Variants in RAB3B observed in about 807,000 individuals in gnomAD.
The protein encoded by RAB3B is ras-related protein Rab-3B.
Under a neutral mutation model 20.5 loss-of-function variants are expected in RAB3B, and 11 were observed. The ratio of observed to expected loss-of-function variants is 0.54; its 90% CI spans 0.34 to 0.89. The LOEUF (loss-of-function observed/expected upper bound fraction) is 0.89. Ranked by LOEUF, RAB3B falls within the 40% of genes least tolerant of loss-of-function variation. The pLI is 0.02. For synonymous variants in RAB3B, 99 were observed against 106.3 expected (o/e 0.93, Z 0.42); for missense variants, 225 against 280.9 (o/e 0.80, Z 1.42).
chr1:51,942,821 A>G (rs1272662319), intron 2 of RAB3B, among the ~76,000 whole-genome samples: 2 of 152,036 alleles, frequency 1.3e-5, no homozygotes, highest in Non-Finnish European at 2.9e-5. Context: ...TGCTCACTTC[A>G]TGTCTCTGTG....
intron 2 of RAB3B, among the ~76,000 whole-genome samples, chr1:51,941,844 A>G (rs2256200): frequency 0.23 from 35,595 of 152,162 alleles, 4,676 homozygotes; most frequent in Non-Finnish European, 0.29. Context: ...TCTGGAAGAT[A>G]TTTTCTCCAG....
In RAB3B at chr1:51,990,667, T is replaced by A. The variant is rs1282532652; in HGVS notation, c.-116A>T. On this transcript the variant is annotated 5_prime_UTR_variant, in exon 1 of 5. Transcript: ENST00000371655. ...GGCGGGGCGCTGCGGGATGGTCTGG[T>A]CCGGTCAGGTCCTCACAGTGGCGCC... The A allele has an allele frequency of 6.6e-6, 1 of 152,006 alleles. No individual in the cohort carries two copies. Among genetic ancestry groups the A allele is most frequent in the African/African-American group, 2.4e-5 (1 of 41,318 alleles). The allele number at this position is 152,006 out of a possible 1,614,324, so 9.4% of individuals were successfully genotyped here.
intron 2 of RAB3B, among the ~76,000 whole-genome samples, chr1:51,957,855 G>C (rs1218304036): frequency 2.0e-5 from 3 of 152,174 alleles, no homozygotes; most frequent in Non-Finnish European, 2.9e-5. Flanking sequence ...AGCCTCCGTT[G>C]GTGGTAAATT....
chr1:51,943,899 T>C lies in RAB3B; in HGVS notation c.229-6487A>G, dbSNP rs548882202. On this transcript the variant is annotated intron_variant, in intron 2 of 4. Transcript: ENST00000371655. ...TAAAAGTGCAAGGTGAAGCAGCAAA[T>C]GCTGATGTAGAAGCTGCAGCAAGGT... Among the ~76,000 whole-genome samples the C allele has an allele frequency of 1.4e-3, 218 of 152,344 alleles. 3 individuals carry two copies. Among genetic ancestry groups the C allele is most frequent in the African/African-American group, 5.0e-3 (209 of 41,572 alleles).
At chr1:51,939,431 T>C (rs1318001804) in intron 2 of RAB3B, among the ~76,000 whole-genome samples, 1 of 152,166 alleles carries the variant, frequency 6.6e-6, no homozygotes, top group Non-Finnish European at 1.5e-5. Flanking sequence ...GGACTTTTTT[T>C]TTTTAAGAGA....
In RAB3B at chr1:51,912,554, A is replaced by AAAAAAAAAAT. The variant is rs1491223921; in HGVS notation, c.*7372_*7373insATTTTTTTTT. 1 of 15,500 alleles carries AAAAAAAAAAT rather than the reference A, an allele frequency of 6.5e-5. No individual in the cohort carries two copies. Among genetic ancestry groups the AAAAAAAAAAT allele is most frequent in the Non-Finnish European group, 1.5e-4 (1 of 6,826 alleles). 1.0% of individuals were successfully genotyped at this position (15,500 alleles called of 1,614,324 possible). On this transcript the variant is annotated 3_prime_UTR_variant, in exon 5 of 5. Transcript: ENST00000371655. Reference sequence around the variant, plus strand: ...AGACCGTCTCTATTAAAAAAAAAAAAATATATATATATATATATATATATA... The same window carrying AAAAAAAAAAT: ...AGACCGTCTCTATTAAAAAAAAAAAAAAAAAAAAATATATATATATATATATATATATATA...
In RAB3B at chr1:51,977,123, A is replaced by G. The variant is rs1571979774; in HGVS notation, c.1-6T>C. The G allele has an allele frequency of 6.2e-7, 1 of 1,610,436 alleles. No homozygotes were observed. The highest frequency in any genetic ancestry group is 2.2e-5 in the East Asian group (1 of 44,862). On this transcript the variant is annotated splice_polypyrimidine_tract_variant and splice_region_variant and intron_variant, in intron 1 of 4. Coordinates refer to ENST00000371655, the MANE Select transcript of RAB3B (RefSeq NM_002867.4). Reference sequence around the variant, plus strand: ...CCATCTGTCACTGAAGCCATCTGCAAGAGAGACCTAGAGTCACTCAGGAAC... The same window carrying G: ...CCATCTGTCACTGAAGCCATCTGCAGGAGAGACCTAGAGTCACTCAGGAAC...
chr1:51,928,400 C>T (rs570703084), intron 4 of RAB3B, among the ~76,000 whole-genome samples: 1 of 152,360 alleles, frequency 6.6e-6, no homozygotes, highest in Admixed American at 6.5e-5. Flanking sequence ...AGCCACCAAG[C>T]CCAGCCTCAC....
intron 2 of RAB3B, among the ~76,000 whole-genome samples, chr1:51,951,132 T>C (rs919221622): frequency 1.0e-3 from 5 of 4,996 alleles, no homozygotes; most frequent in African/African-American, 1.3e-3. Context: ...TGATGCAGAC[T>C]TTTTTTTTTT....
chr1:51,954,243 T>C (rs1390348719), intron 2 of RAB3B, among the ~76,000 whole-genome samples: 1 of 152,226 alleles, frequency 6.6e-6, no homozygotes, highest in East Asian at 1.9e-4. Flanking sequence ...TAAAGTACAA[T>C]GAACTCATCA....
intron 2 of RAB3B, among the ~76,000 whole-genome samples, chr1:51,942,254 T>A (rs1402908584): frequency 6.6e-6 from 1 of 152,186 alleles, no homozygotes; most frequent in Non-Finnish European, 1.5e-5. Flanking sequence ...TGTTATTCTG[T>A]GAGAGTGTCG....
intron 2 of RAB3B, among the ~76,000 whole-genome samples, chr1:51,960,681 T>G (rs1168641149): frequency 6.6e-6 from 1 of 152,158 alleles, no homozygotes; most frequent in Admixed American, 6.5e-5. Context: ...AGATGGCAAC[T>G]GGACGTCTTC....
rs756207843 is a variant in RAB3B, at chr1:51,908,467, A to G, written c.*11460T>C. On this transcript the variant is annotated 3_prime_UTR_variant, in exon 5 of 5. Transcript: ENST00000371655. ...TGATATGCAAATTGCATAAGGTGAC[A>G]TCTCTCTGTGTGGCCACAGAGATAG... 2 of 152,022 alleles carry G rather than the reference A, an allele frequency of 1.3e-5. No homozygotes were observed. Among genetic ancestry groups the G allele is most frequent in the African/African-American group, 2.4e-5 (1 of 41,368 alleles). 9.4% of individuals were successfully genotyped at this position (152,022 alleles called of 1,614,324 possible).
intron 4 of RAB3B, among the ~76,000 whole-genome samples, chr1:51,925,127 C>A (rs1423408685): frequency 6.6e-6 from 1 of 152,174 alleles, no homozygotes; most frequent in African/African-American, 2.4e-5. Context: ...AAACTTGCAA[C>A]CAGCTAAACT....
chr1:51,923,608 G>A (rs975142207), intron 4 of RAB3B, among the ~76,000 whole-genome samples: 25 of 151,852 alleles, frequency 1.6e-4, no homozygotes, highest in African/African-American at 5.3e-4. Context: ...CCAGCTACTC[G>A]GGAGGCTGAG....
At position 51,949,311 on chromosome 1, in the gene RAB3B, T is replaced by A. The variant is rs79648484; in HGVS notation, c.229-11899A>T. On this transcript the variant is annotated intron_variant, in intron 2 of 4. Coordinates refer to ENST00000371655, the MANE Select transcript of RAB3B (RefSeq NM_002867.4). ...ACATCCTCTGAAGTTTTCCCTAACT[T>A]TCTTTCCCCACTAATTCCTCCCCTG... Among the ~76,000 whole-genome samples the A allele has an allele frequency of 7.2e-3, 1,091 of 152,360 alleles. 12 individuals carry two copies. Among genetic ancestry groups the A allele is most frequent in the African/African-American group, 0.025 (1,055 of 41,586 alleles).
intron 2 of RAB3B, among the ~76,000 whole-genome samples, chr1:51,953,513 C>T (rs1684667603): frequency 1.3e-5 from 2 of 152,338 alleles, no homozygotes; most frequent in Admixed American, 1.3e-4. Context: ...TTCACAAAAA[C>T]TAATGGTAGG....
intron 2 of RAB3B, among the ~76,000 whole-genome samples, chr1:51,941,094 TGAAAGTG>T (rs1684487284): frequency 6.6e-6 from 1 of 152,060 alleles, no homozygotes; most frequent in Non-Finnish European, 1.5e-5. Flanking sequence ...GAGCATCACA[TGAAAGTG>T]TGCTTATTTG....
chr1:51,964,982 C>T (rs1056715351), intron 2 of RAB3B, among the ~76,000 whole-genome samples: 1 of 152,078 alleles, frequency 6.6e-6, no homozygotes, highest in Admixed American at 6.5e-5. Context: ...GCCTGTAATC[C>T]CAACACTTTG....
Sources: gnomAD v4.1 joint callset for allele counts (sites outside exome capture counted in the v4.1 genomes callset) on GRCh38, gnomAD v4.1.1 for gene constraint, MANE v1.5 for transcripts, NCBI Gene and HGNC (gene_info 2026-07-23, HGNC 2026-07-21) for gene names.